NRXN3: variants seen among roughly 807,000 people sequenced by gnomAD.
NRXN3 encodes neurexin III.
NRXN3 carries 32 observed loss-of-function variants against 137.6 expected under a neutral mutation model. The observed-to-expected ratio is 0.23, with a 90% CI of 0.18 to 0.31. NRXN3 has a LOEUF of 0.31. NRXN3 is among the 10% of genes least tolerant of loss of function. The pLI is 1.00. For missense variants in NRXN3, 1,574 were observed against 2,062.5 expected, an observed-to-expected ratio of 0.76 and a Z score of 4.59; for synonymous variants, 798 against 784.5, an observed-to-expected ratio of 1.02 and a Z score of -0.29.
intron 15 of NRXN3, among the ~76,000 whole-genome samples, chr14:79,306,331 G>A (rs1220106427): frequency 6.6e-6 from 1 of 151,910 alleles, no homozygotes; most frequent in African/African-American, 2.4e-5. Context: ...TCCTTTTTAT[G>A]CTTCATTATA....
intron 15 of NRXN3, among the ~76,000 whole-genome samples, chr14:79,316,729 C>CCTCTCTCTCTCTCTCTCTCTCT (rs35515937): frequency 2.8e-4 from 38 of 138,006 alleles, no homozygotes; most frequent in African/African-American, 9.5e-4. Context: ...CTGTCCTGTC[C>CCTCTCTCTCTCTCTCTCTCTCT]CTCTCTCTCT....
chr14:78,833,080 T>G (rs2098987022), intron 10 of NRXN3, among the ~76,000 whole-genome samples: 1 of 152,142 alleles, frequency 6.6e-6, no homozygotes, highest in Non-Finnish European at 1.5e-5. Flanking sequence ...TCCCCATGCT[T>G]CAGGAGAGTT....
chr14:79,655,231 A>C (rs2098499811), intron 16 of NRXN3, among the ~76,000 whole-genome samples: 1 of 152,214 alleles, frequency 6.6e-6, no homozygotes, highest in African/African-American at 2.4e-5. Context: ...TCAGTAGGGA[A>C]CAGGGTTACC....
chr14:78,182,543 C>T (rs2059902240), intron 1 of NRXN3, among the ~76,000 whole-genome samples: 1 of 152,192 alleles, frequency 6.6e-6, no homozygotes, highest in African/African-American at 2.4e-5. Context: ...GATCTTGGCT[C>T]ACCGCAACCT....
chr14:79,832,127 A>G (rs1272603273), intron 20 of NRXN3, among the ~76,000 whole-genome samples: 1 of 152,140 alleles, frequency 6.6e-6, no homozygotes, highest in Non-Finnish European at 1.5e-5. Context: ...GAGTACTTAT[A>G]ATACCCAATC....
chr14:79,321,025 T>C (rs763018302), intron 15 of NRXN3, among the ~76,000 whole-genome samples: 1 of 152,300 alleles, frequency 6.6e-6, no homozygotes, highest in African/African-American at 2.4e-5. Flanking sequence ...CTGAGCGATT[T>C]TGTAATTTTA....
intron 3 of NRXN3, among the ~76,000 whole-genome samples, chr14:78,296,367 C>CACCTACTGA (rs2076338156): frequency 6.6e-6 from 1 of 152,132 alleles, no homozygotes; most frequent in African/African-American, 2.4e-5. Flanking sequence ...TTGTGAGCGT[C>CACCTACTGA]ACCTACTGAA....
intron 15 of NRXN3, among the ~76,000 whole-genome samples, chr14:79,322,935 G>A (rs1005734354): frequency 3.9e-5 from 6 of 152,236 alleles, no homozygotes; most frequent in Non-Finnish European, 7.3e-5. Flanking sequence ...TTTATCTTGT[G>A]GATGACAGCT....
chr14:79,244,935 A>G (rs2074930350), intron 15 of NRXN3, among the ~76,000 whole-genome samples: 1 of 152,152 alleles, frequency 6.6e-6, no homozygotes. Context: ...CTAAAGGATT[A>G]GAGGTTTCAA....
In NRXN3 at chr14:79,743,606, G is replaced by A. The variant is rs561001156; in HGVS notation, c.4014+45669G>A. ...CCCCAAGTGATTCTAATAGGTGGTC[G>A]ACATGCCATACTTTGAGAAACACTT... On this transcript the variant is annotated intron_variant, in intron 19 of 20. Coordinates refer to ENST00000335750, the MANE Select transcript of NRXN3 (RefSeq NM_001330195.2). Among the ~76,000 whole-genome samples the A allele has an allele frequency of 3.3e-5, 5 of 152,202 alleles. 1 individual carries two copies. The East Asian group carries it at 5.8e-4, about 18-fold the overall frequency.
intron 5 of NRXN3, among the ~76,000 whole-genome samples, chr14:78,647,784 TAA>T (rs1241495910): frequency 6.6e-6 from 1 of 152,236 alleles, no homozygotes; most frequent in Non-Finnish European, 1.5e-5. Context: ...GTGAATAATA[TAA>T]GATTATTATT....
intron 15 of NRXN3, among the ~76,000 whole-genome samples, chr14:79,466,739 A>C (rs2096431562): frequency 6.6e-6 from 1 of 152,172 alleles, no homozygotes; most frequent in Non-Finnish European, 1.5e-5. Flanking sequence ...CAAGCAGGAG[A>C]GACATGATGC....
rs181348607 is a variant in NRXN3 at position 78,194,279 on chromosome 14, A to G, written c.-704+23605A>G. On this transcript the variant is annotated intron_variant, in intron 1 of 20. Transcript: ENST00000335750. ...CATTTTTCTTTGACATTTACCATGG[A>G]GGCTCATATCTGGTGCTCCTTATGT... 5.2e-4 allele frequency among the ~76,000 whole-genome samples: 79 copies of G among 152,244 alleles called. 1 individual carries two copies. The highest frequency in any genetic ancestry group is 6.2e-4 in the Non-Finnish European group (42 of 68,024).
At chr14:79,283,392 G>T (rs1372974299) in intron 15 of NRXN3, among the ~76,000 whole-genome samples, 5 of 152,074 alleles carry the variant, frequency 3.3e-5, no homozygotes, top group Admixed American at 6.6e-5. Flanking sequence ...ATCAGTTGGT[G>T]CTCCCACCCC....
chr14:79,114,056 C>T (rs532995912), intron 15 of NRXN3, among the ~76,000 whole-genome samples: 1 of 152,172 alleles, frequency 6.6e-6, no homozygotes, highest in Non-Finnish European at 1.5e-5. Context: ...TTTGTAGTCA[C>T]ATTTTCTGGT....
intron 4 of NRXN3, among the ~76,000 whole-genome samples, chr14:78,489,777 G>A (rs532132006): frequency 9.1e-4 from 138 of 152,126 alleles, no homozygotes; most frequent in Non-Finnish European, 1.8e-3. Flanking sequence ...GAAGAATTTG[G>A]GCGGGGTGGG....
At chr14:79,821,375 C>T (rs1241506015) in intron 20 of NRXN3, among the ~76,000 whole-genome samples, 1 of 152,162 alleles carries the variant, frequency 6.6e-6, no homozygotes, top group African/African-American at 2.4e-5. Flanking sequence ...TAGACCAGAC[C>T]AGATGCAATC....
At chr14:79,058,660 ACT>A (rs2099669393) in intron 15 of NRXN3, among the ~76,000 whole-genome samples, 1 of 152,056 alleles carries the variant, frequency 6.6e-6, no homozygotes, top group Non-Finnish European at 1.5e-5. Context: ...ATATGGTTTA[ACT>A]CTGTGTCCCC....
intron 4 of NRXN3, among the ~76,000 whole-genome samples, chr14:78,614,594 A>G (rs2097330136): frequency 6.6e-6 from 1 of 152,114 alleles, no homozygotes; most frequent in African/African-American, 2.4e-5. Flanking sequence ...GGGCTCTTAA[A>G]GGTTGAATCA....
Sources: allele counts gnomAD v4.1 joint callset (sites outside exome capture counted in the v4.1 genomes callset), GRCh38; gene constraint gnomAD v4.1.1; transcripts MANE v1.5; gene names NCBI Gene and HGNC (gene_info 2026-07-23, HGNC 2026-07-21).